The following EGFLAM variants were observed in gnomAD, a reference collection of about 807,000 sequenced individuals.
The protein encoded by EGFLAM is pikachurin.
Under a neutral mutation model 113.1 loss-of-function variants are expected in EGFLAM, and 79 were observed. The ratio of observed to expected loss-of-function variants is 0.70; its 90% CI spans 0.58 to 0.84. The LOEUF (loss-of-function observed/expected upper bound fraction) is 0.84. Ranked by LOEUF, EGFLAM falls within the 40% of genes least tolerant of loss-of-function variation. The probability of loss-of-function intolerance (pLI) is 0.00; values close to 1 mark genes in which losing one functional copy is unlikely to be tolerated. For synonymous variants in EGFLAM, 504 were observed against 487.6 expected, an observed-to-expected ratio of 1.03 and a Z score of -0.44; for missense variants, 1,265 against 1,291.6, an observed-to-expected ratio of 0.98 and a Z score of 0.32.
In EGFLAM at chr5:38,350,591, C is replaced by T; in HGVS notation, c.382C>T (p.Pro128Ser). ...SQAGKGRLSS[P>S]RHVTTLSQDS... ...GGCTGGCAAAGGGCGGCTGAGCTCT[C>T]CTCGGCATGTCACCACTTTGTCCCA... is the stretch of plus-strand genomic sequence containing the variant. Residue 128 changes from proline (P) to serine (S), a missense_variant, in exon 4 of 22, where the codon CCT becomes TCT. Physicochemically the swap from Pro to Ser is moderately conservative, Grantham distance 74 (BLOSUM62 -1). Coordinates refer to ENST00000322350, the MANE Select transcript of EGFLAM (RefSeq NM_152403.4). The T allele has an allele frequency of 6.2e-7, 1 of 1,614,022 alleles. No homozygotes were observed. The highest frequency in any genetic ancestry group is 1.1e-5 in the South Asian group (1 of 91,028).
At chr5:38,405,682 G>A (rs539872969) in intron 6 of EGFLAM, among the ~76,000 whole-genome samples, 1 of 152,172 alleles carries the variant, frequency 6.6e-6, no homozygotes, top group East Asian at 1.9e-4. Flanking sequence ...TTTTGAACAC[G>A]CCTTTTGGTA....
chr5:38,373,096 A>C (rs149365456), intron 6 of EGFLAM, among the ~76,000 whole-genome samples: 1 of 152,364 alleles, frequency 6.6e-6, no homozygotes, highest in African/African-American at 2.4e-5. Context: ...TTGAAGTATC[A>C]GAGCTACCAT....
Position 38,431,206 on chromosome 5 carries a change from G to A in EGFLAM, c.2084G>A (p.Trp695Ter), listed in dbSNP as rs757355272. 1 of 1,614,120 alleles carries A rather than the reference G, an allele frequency of 6.2e-7. No homozygotes were observed. The highest frequency in any genetic ancestry group is 1.7e-5 in the Admixed American group (1 of 60,020). Residue 695 changes from tryptophan to a stop codon, truncating the protein, a stop_gained, in exon 15 of 22, where the codon TGG becomes TAG. Coordinates refer to ENST00000322350, the MANE Select transcript of EGFLAM (RefSeq NM_152403.4). LOFTEE classifies it high-confidence loss of function. ...GAAGATCCCCTCACCCTGGGCAACT[G>A]GCACGAGCTTCGTGTATCTCGCACA... ...RSEDPLTLGN[W>*]HELRVSRTAK...
chr5:38,264,017 A>G (rs1757569575), intron 1 of EGFLAM, among the ~76,000 whole-genome samples: 1 of 152,082 alleles, frequency 6.6e-6, no homozygotes, highest in South Asian at 2.1e-4. Context: ...GTCTCTCTAC[A>G]AGGTTCTGTC....
In EGFLAM at chr5:38,412,549, A is replaced by G; in HGVS notation, c.1395A>G (p.Lys465=). 6.2e-7 allele frequency: 1 copy of G among 1,614,108 alleles called. No individual in the cohort carries two copies. The highest frequency in any genetic ancestry group is 1.3e-5 in the African/African-American group (1 of 75,016). ...TTGCCATCATCGTAAGTGAGACCAA[A>G]ATCAAACTAGGGGGTTGGCACACGG... ...TGVAIIVSET[K]IKLGGWHTVM... Residue 465 remains lysine, a synonymous_variant, in exon 11 of 22, where the codon AAA becomes AAG. Coordinates refer to ENST00000322350, the MANE Select transcript of EGFLAM (RefSeq NM_152403.4).
chr5:38,417,380 A>AT (rs1481624529), intron 11 of EGFLAM, among the ~76,000 whole-genome samples: 1 of 149,560 alleles, frequency 6.7e-6, no homozygotes, highest in Non-Finnish European at 1.5e-5. Context: ...CAAAAAAAAA[A>AT]GGCCAAGGGT....
In EGFLAM at chr5:38,462,983, G is replaced by A. The variant is rs1561110281; in HGVS notation, c.2847G>A (p.Gln949=). 6.2e-7 allele frequency: 1 copy of A among 1,614,010 alleles called. No individual in the cohort carries two copies. Among genetic ancestry groups the A allele is most frequent in the African/African-American group, 1.3e-5 (1 of 74,930 alleles). Reference sequence around the variant, plus strand: ...GCAAATCCCCAGGCATGATGCGGCAGCTTAACATCAATGGAGCTCTGTATG... The same window carrying A: ...GCAAATCCCCAGGCATGATGCGGCAACTTAACATCAATGGAGCTCTGTATG... The part of the protein sequence containing the change: ...RTGKSPGMMR[Q]LNINGALYVG... Residue 949 remains glutamine, a synonymous_variant, in exon 21 of 22, where the codon CAG becomes CAA. Transcript: ENST00000322350.
intron 9 of EGFLAM, among the ~76,000 whole-genome samples, chr5:38,408,620 G>A (rs61255452): frequency 0.29 from 44,831 of 152,042 alleles, 8,409 homozygotes; most frequent in African/African-American, 0.53. Flanking sequence ...GCCTCCCCAG[G>A]GGGAGGGAAA....
chr5:38,463,797 T>G, intron 21 of EGFLAM, 35 bp from the exon 22 acceptor site: 1 of 1,607,312 alleles, frequency 6.2e-7, no homozygotes, highest in Non-Finnish European at 8.5e-7. Context: ...CACCTGTCCT[T>G]TGGCTCACCT....
chr5:38,316,189 G>C (rs1011406184), intron 1 of EGFLAM, among the ~76,000 whole-genome samples: 3 of 152,008 alleles, frequency 2.0e-5, no homozygotes, highest in Non-Finnish European at 4.4e-5. Flanking sequence ...TTCTTTGGTT[G>C]GTTGGTTGCT....
intron 5 of EGFLAM, among the ~76,000 whole-genome samples, chr5:38,357,151 G>A (rs1739783399): frequency 6.6e-6 from 1 of 152,202 alleles, no homozygotes; most frequent in Non-Finnish European, 1.5e-5. Flanking sequence ...AGCTGCTCAG[G>A]TGGCTGAGGC....
intron 6 of EGFLAM, among the ~76,000 whole-genome samples, chr5:38,405,852 AT>A (rs1241045931): frequency 6.6e-6 from 1 of 152,120 alleles, no homozygotes; most frequent in Non-Finnish European, 1.5e-5. Context: ...CCTTAGTAAT[AT>A]TTTTATTATC....
intron 11 of EGFLAM, among the ~76,000 whole-genome samples, chr5:38,417,753 G>A (rs1049415047): frequency 6.6e-6 from 1 of 152,198 alleles, no homozygotes; most frequent in Non-Finnish European, 1.5e-5. Flanking sequence ...GAAAGAGAAC[G>A]TTTTTGTTGG....
chr5:38,300,675 A>T (rs975191957), intron 1 of EGFLAM, among the ~76,000 whole-genome samples: 1 of 152,114 alleles, frequency 6.6e-6, no homozygotes, highest in Non-Finnish European at 1.5e-5. Flanking sequence ...GCGCCCGGCC[A>T]TATTTTTCAT....
chr5:38,370,950 G>A (rs1740198191), intron 6 of EGFLAM, among the ~76,000 whole-genome samples: 1 of 152,182 alleles, frequency 6.6e-6, no homozygotes, highest in Admixed American at 6.5e-5. Context: ...TGGGGCTGTA[G>A]CCAATGGTGT....
intron 6 of EGFLAM, among the ~76,000 whole-genome samples, chr5:38,376,557 T>G (rs557369066): frequency 6.6e-6 from 1 of 152,346 alleles, no homozygotes; most frequent in Admixed American, 6.5e-5. Flanking sequence ...TTTGCTCTTT[T>G]CTGCTTCAGA....
intron 5 of EGFLAM, 142 bp from the exon 6 acceptor site, chr5:38,370,154 T>C (rs16903957): frequency 0.045 from 36,274 of 808,196 alleles, 1,022 homozygotes; most frequent in East Asian, 0.091. Context: ...AAATCAGGAT[T>C]ACTTTCAGAT....
chr5:38,463,765 A>G, intron 21 of EGFLAM, 67 bp from the exon 22 acceptor site: 1 of 1,586,054 alleles, frequency 6.3e-7, no homozygotes, highest in Admixed American at 1.7e-5. Context: ...CCCAAACTGG[A>G]ACCCCGACCT....
At chr5:38,282,710 A>G (rs1403502414) in intron 1 of EGFLAM, 2 of 152,228 alleles carry the variant, frequency 1.3e-5, no homozygotes, top group Non-Finnish European at 2.9e-5. Context: ...TACCATTTTG[A>G]TAGACAACTG....
Sources: gnomAD v4.1 joint callset for allele counts (sites outside exome capture counted in the v4.1 genomes callset) on GRCh38, gnomAD v4.1.1 for gene constraint, MANE v1.5 for transcripts, NCBI Gene and HGNC (gene_info 2026-07-23, HGNC 2026-07-21) for gene names.